The following KCTD21 variants were observed in gnomAD, a reference collection of about 807,000 sequenced individuals.
KCTD21 encodes BTB/POZ domain-containing protein KCTD21.
In KCTD21, 9 loss-of-function variants were observed where a neutral mutation model predicts 13.2. That is an observed-to-expected ratio of 0.68 (90% CI 0.41 to 1.19). The LOEUF (loss-of-function observed/expected upper bound fraction) is 1.19, where lower values mean the gene tolerates loss of function less well. Ranked by LOEUF, KCTD21 falls within the 50% of genes most tolerant of loss-of-function variation. KCTD21 has a pLI of 0.01. For synonymous variants in KCTD21, 142 were observed against 137.4 expected (o/e 1.03, Z -0.23); for missense variants, 303 against 336.5 (o/e 0.90, Z 0.78).
intron 1 of KCTD21, among the ~76,000 whole-genome samples, chr11:78,186,397 A>AC (rs1231506240): frequency 6.3e-5 from 9 of 143,320 alleles, no homozygotes; most frequent in Non-Finnish European, 1.1e-4. Context: ...AAAAAAAAAA[A>AC]AAAAAAAAAA....
At chr11:78,182,773 T>A (rs1590881924) in intron 1 of KCTD21, among the ~76,000 whole-genome samples, 1 of 152,166 alleles carries the variant, frequency 6.6e-6, no homozygotes, top group Non-Finnish European at 1.5e-5. Context: ...CCTTTAGACG[T>A]CTTCGGCAGG....
chr11:78,187,414 C>T (rs765422871), intron 1 of KCTD21: 3 of 985,368 alleles, frequency 3.0e-6, no homozygotes, highest in Non-Finnish European at 3.6e-6. Context: ...ACAGGGACCC[C>T]AGAATGAGCT....
rs1048714681 is a variant in KCTD21, at chr11:78,174,047, T to C, written c.508A>G (p.Asn170Asp). The C allele has an allele frequency of 3.1e-6, 5 of 1,614,062 alleles. No homozygotes were observed. The highest frequency in any genetic ancestry group is 4.2e-6 in the Non-Finnish European group (5 of 1,180,024). Residue 170 changes from asparagine to aspartate, a missense_variant, in exon 2 of 2, where the codon AAT (asparagine) becomes GAT (aspartate). Physicochemically the swap from Asn to Asp is conservative, Grantham distance 23. Transcript: ENST00000340067. ...GSKLFYCSNG[N>D]LSSITSHLQD... ...AAGTGGCTGGTGATGGAGGAGAGATTGCCATTGGAGCAGTAGAAGAGCTTA... is the reference window on the plus strand; with the variant it reads ...AAGTGGCTGGTGATGGAGGAGAGATCGCCATTGGAGCAGTAGAAGAGCTTA...
At chr11:78,183,281 A>G (rs953159443) in intron 1 of KCTD21, among the ~76,000 whole-genome samples, 1 of 152,142 alleles carries the variant, frequency 6.6e-6, no homozygotes, top group African/African-American at 2.4e-5. Flanking sequence ...CATGCCTGTA[A>G]TCTCAGCACT....
rs141983718 is a variant in KCTD21 at position 78,187,834 on chromosome 11, G to C, written c.-30+739C>G. The C allele has an allele frequency of 3.3e-5, 33 of 985,406 alleles. No individual in the cohort carries two copies. The African/African-American group carries it at 5.6e-4, about 17-fold the overall frequency. The allele number at this position is 985,406 out of a possible 1,614,324, so 61.0% of individuals were successfully genotyped here. ...GCCTCCCACGCCAAGCTAAACCTCT[G>C]CCTCCCCGAGTGCAGGGAGAAAAGC... On this transcript the variant is annotated intron_variant, in intron 1 of 1. Transcript: ENST00000340067.
chr11:78,188,374 A>G, intron 1 of KCTD21, 199 bp downstream of exon 1: 1 of 984,734 alleles, frequency 1.0e-6, no homozygotes, highest in Non-Finnish European at 1.2e-6. Context: ...CCGCCCCTCT[A>G]AGAGCTCTGC....
chr11:78,185,618 G>A (rs1030736211), intron 1 of KCTD21, among the ~76,000 whole-genome samples: 4 of 151,598 alleles, frequency 2.6e-5, no homozygotes, highest in African/African-American at 9.7e-5. Flanking sequence ...TTGAGATAGA[G>A]TCTCGCTCTG....
At chr11:78,185,485 T>G (rs1862739514) in intron 1 of KCTD21, among the ~76,000 whole-genome samples, 7 of 152,104 alleles carry the variant, frequency 4.6e-5, no homozygotes, top group Admixed American at 4.6e-4. Context: ...TGTTTCTGAA[T>G]TTTGAAGGGT....
Position 78,172,712 on chromosome 11 carries a change from A to G in KCTD21, c.*1060T>C, listed in dbSNP as rs997420348. ...CAACCAAGATCCAGCAAGTGGCAGG[A>G]CAGATTTTGGCTCAATATAGGGAAG... On this transcript the variant is annotated 3_prime_UTR_variant, in exon 2 of 2. Transcript: ENST00000340067. The G allele has an allele frequency of 1.3e-5, 2 of 152,276 alleles. No homozygotes were observed. The highest frequency in any genetic ancestry group is 4.8e-5 in the African/African-American group (2 of 41,440). 9.4% of individuals were successfully genotyped at this position (152,276 alleles called of 1,614,324 possible). A position where few individuals can be genotyped will look rare whatever the true frequency, so the allele number is the denominator to read the frequency against.
chr11:78,177,561 C>G (rs1862491697), intron 1 of KCTD21, among the ~76,000 whole-genome samples: 1 of 152,060 alleles, frequency 6.6e-6, no homozygotes, highest in South Asian at 2.1e-4. Flanking sequence ...AGTGGGTCCC[C>G]TTTACTCAGT....
rs757540125 is a variant in KCTD21 at position 78,174,574 on chromosome 11, G to C, written c.-20C>G. 1 of 1,597,666 alleles carries C rather than the reference G, an allele frequency of 6.3e-7. No individual in the cohort carries two copies. Among genetic ancestry groups the C allele is most frequent in the Non-Finnish European group, 8.5e-7 (1 of 1,171,510 alleles). On this transcript the variant is annotated 5_prime_UTR_variant, in exon 2 of 2. Transcript: ENST00000340067. ...GGACATGGCAGGAGACTGGGTTGCT[G>C]GAAGTAGTCCTGGAGAGGGTGAGAA...
At position 78,187,256 on chromosome 11, in the gene KCTD21, C is replaced by T. The variant is rs1288260628; in HGVS notation, c.-30+1317G>A. 3.0e-6 allele frequency: 3 copies of T among 985,202 alleles called. No individual in the cohort carries two copies. The Admixed American group carries it at 1.8e-4, about 61-fold the overall frequency. 61.0% of individuals were successfully genotyped at this position (985,202 alleles called of 1,614,324 possible). ...GCCTTGAAGCCCCTAGGACGACTAC[C>T]CTTTCTTCACCTCCTCTTCCTGACC... On this transcript the variant is annotated intron_variant, in intron 1 of 1. Transcript: ENST00000340067.
At chr11:78,174,765 G>A (rs972113934) in intron 1 of KCTD21, 182 bp from the exon 2 acceptor site, 1 of 481,602 alleles carries the variant, frequency 2.1e-6, no homozygotes, top group Non-Finnish European at 3.7e-6. Flanking sequence ...GAGAGGGAAA[G>A]GAGAAAGGGA....
At chr11:78,182,924 G>A (rs1434566741) in intron 1 of KCTD21, among the ~76,000 whole-genome samples, 1 of 152,128 alleles carries the variant, frequency 6.6e-6, no homozygotes, top group Non-Finnish European at 1.5e-5. Context: ...CTTCCATAAT[G>A]AAATGACTTA....
rs1590868886 is a variant in KCTD21, at chr11:78,171,397, A to G, written c.*2375T>C. 1 of 152,676 alleles carries G rather than the reference A, an allele frequency of 6.5e-6. No homozygotes were observed. Among genetic ancestry groups the G allele is most frequent in the East Asian group, 1.9e-4 (1 of 5,198 alleles). 9.5% of individuals were successfully genotyped at this position (152,676 alleles called of 1,614,324 possible). A position where few individuals can be genotyped will look rare whatever the true frequency, so the allele number is the denominator to read the frequency against. ...TGGCTCAGTGAGGTGAGTGACTTGC[A>G]TAAAGTCACACAGCATGTTAGTGGC... On this transcript the variant is annotated 3_prime_UTR_variant, in exon 2 of 2. Coordinates refer to ENST00000340067, the MANE Select transcript of KCTD21 (RefSeq NM_001029859.3).
intron 1 of KCTD21, among the ~76,000 whole-genome samples, chr11:78,181,425 T>C (rs546517081): frequency 1.3e-5 from 2 of 152,252 alleles, no homozygotes; most frequent in Non-Finnish European, 2.9e-5. Context: ...GGTACATGAC[T>C]CTATCTGTAT....
intron 1 of KCTD21, among the ~76,000 whole-genome samples, chr11:78,176,484 C>G (rs557149903): frequency 6.6e-6 from 1 of 152,320 alleles, no homozygotes; most frequent in East Asian, 1.9e-4. Context: ...GAGATCTCAG[C>G]TCCAGCTTCC....
rs1862308494 is a variant in KCTD21, at chr11:78,172,561, A to C, written c.*1211T>G. ...AGGGGATAGAAAAGAGCTAACTTTG[A>C]TTCTGAAGACAGATCCCAGAGGGGA... On this transcript the variant is annotated 3_prime_UTR_variant, in exon 2 of 2. Transcript: ENST00000340067. The C allele has an allele frequency of 6.6e-6, 1 of 152,222 alleles. No individual in the cohort carries two copies. Among genetic ancestry groups the C allele is most frequent in the South Asian group, 2.1e-4 (1 of 4,832 alleles). 9.4% of individuals were successfully genotyped at this position (152,222 alleles called of 1,614,324 possible).
chr11:78,182,713 A>C lies in KCTD21; in HGVS notation c.-30+5860T>G, dbSNP rs572354381. On this transcript the variant is annotated intron_variant, in intron 1 of 1. Transcript: ENST00000340067. ...GCTTCATGTGGATTCTTGACCTCAG[A>C]GTCATGGCCTCTGGGAAGTTCTGGT... Among the ~76,000 whole-genome samples, 39 of 152,250 alleles carry C rather than the reference A, an allele frequency of 2.6e-4. No individual in the cohort carries two copies. In the South Asian group the frequency reaches 7.7e-3, roughly 30 times the overall value.
Sources: allele counts gnomAD v4.1 joint callset (sites outside exome capture counted in the v4.1 genomes callset), GRCh38; gene constraint gnomAD v4.1.1; transcripts MANE v1.5; gene names NCBI Gene and HGNC (gene_info 2026-07-23, HGNC 2026-07-21).